SPSB1: variants seen among roughly 807,000 people sequenced by gnomAD.
SPSB1 encodes splA/ryanodine receptor domain and SOCS box containing 1.
A neutral mutation model predicts 21.2 loss-of-function variants in SPSB1; 8 were observed. The observed-to-expected ratio is 0.38, with a 90% CI of 0.22 to 0.68. SPSB1 has a LOEUF of 0.68. SPSB1 is among the 30% of genes least tolerant of loss of function. The probability of loss-of-function intolerance (pLI) is 0.53; values close to 1 mark genes in which losing one functional copy is unlikely to be tolerated. For synonymous variants in SPSB1, 169 were observed against 161.7 expected (o/e 1.05, Z -0.34); for missense variants, 242 against 377.8 (o/e 0.64, Z 2.98).
At chr1:9,297,895 G>A (rs974357389) in intron 1 of SPSB1, among the ~76,000 whole-genome samples, 6 of 152,198 alleles carry the variant, frequency 3.9e-5, no homozygotes, top group South Asian at 2.1e-4. Context: ...TCACGCATAC[G>A]TTGAGAAATA....
At chr1:9,335,864 C>T (rs1189884561) in intron 1 of SPSB1, among the ~76,000 whole-genome samples, 3 of 141,620 alleles carry the variant, frequency 2.1e-5, no homozygotes, top group Admixed American at 7.2e-5. Context: ...AGTGGCTGGA[C>T]GATGATCTTT....
At chr1:9,315,952 G>C (rs11582809) in intron 1 of SPSB1, among the ~76,000 whole-genome samples, 2 of 152,020 alleles carry the variant, frequency 1.3e-5, no homozygotes, top group African/African-American at 2.4e-5. Context: ...GTGCGGCTCC[G>C]GGCATCCTGG....
Position 9,293,213 on chromosome 1 carries a change from G to C in SPSB1, c.-150+142G>C, listed in dbSNP as rs183711646. Reference sequence around the variant, plus strand: ...GTGGCGCGGGGCCGGGCGCGGGGGAGCGGGTGGAGTACGGGATGGGGACTC... The same window carrying C: ...GTGGCGCGGGGCCGGGCGCGGGGGACCGGGTGGAGTACGGGATGGGGACTC... On this transcript the variant is annotated intron_variant, in intron 1 of 2. Transcript: ENST00000328089. This position sits in a 1 kb window ranked among gnomAD's most constrained non-coding sequence, Gnocchi z 5.1. 0.2 allele frequency: 187,623 copies of C among 937,594 alleles called. 19,685 individuals are homozygous for C. The highest frequency in any genetic ancestry group is 0.26 in the Middle Eastern group (479 of 1,822). The allele number at this position is 937,594 out of a possible 1,614,324, so 58.1% of individuals were successfully genotyped here.
chr1:9,323,881 C>T (rs1464721078), intron 1 of SPSB1, among the ~76,000 whole-genome samples: 2 of 152,342 alleles, frequency 1.3e-5, no homozygotes, highest in East Asian at 1.9e-4. Context: ...AGCCTTCTCC[C>T]ATCCCTTCCT....
intron 1 of SPSB1, among the ~76,000 whole-genome samples, chr1:9,322,293 C>T (rs980044025): frequency 2.0e-5 from 3 of 152,146 alleles, no homozygotes; most frequent in Non-Finnish European, 2.9e-5. Context: ...CCTCGGTTTG[C>T]AGGTGGGGAA....
At chr1:9,296,298 A>G (rs185665241) in intron 1 of SPSB1, among the ~76,000 whole-genome samples, 115 of 152,268 alleles carry the variant, frequency 7.6e-4, no homozygotes, top group Non-Finnish European at 1.3e-3. Context: ...GATTGCAGGT[A>G]ACTTGGCTAA....
At position 9,309,173 on chromosome 1, in the gene SPSB1, T is replaced by C. The variant is rs368526697; in HGVS notation, c.-150+16102T>C. 2.5e-3 allele frequency among the ~76,000 whole-genome samples: 383 copies of C among 151,822 alleles called. 2 individuals are homozygous for C. Among genetic ancestry groups the C allele is most frequent in the African/African-American group, 8.9e-3 (367 of 41,372 alleles). On this transcript the variant is annotated intron_variant, in intron 1 of 2. Coordinates refer to ENST00000328089, the MANE Select transcript of SPSB1 (RefSeq NM_025106.4). Reference sequence around the variant, plus strand: ...GGTCGTCGGTGGGCATGGGGTGTCCTTGCACTTCCATGCCATTCACCTCCA... The same window carrying C: ...GGTCGTCGGTGGGCATGGGGTGTCCCTGCACTTCCATGCCATTCACCTCCA...
intron 1 of SPSB1, among the ~76,000 whole-genome samples, chr1:9,344,284 G>C (rs569861512): frequency 2.6e-5 from 4 of 152,314 alleles, no homozygotes; most frequent in Non-Finnish European, 4.4e-5. Flanking sequence ...AGTCTAACGG[G>C]ATCAGGAATT....
In SPSB1 at chr1:9,312,510, G is replaced by A. The variant is rs150910785; in HGVS notation, c.-150+19439G>A. Among the ~76,000 whole-genome samples, 559 of 152,276 alleles carry A rather than the reference G, an allele frequency of 3.7e-3. 2 individuals are homozygous for A. Among genetic ancestry groups the A allele is most frequent in the Non-Finnish European group, 5.4e-3 (365 of 68,024 alleles). On this transcript the variant is annotated intron_variant, in intron 1 of 2. Transcript: ENST00000328089. ...AGTGCACACATGTGGTCAGGCAGCC[G>A]TGGACACCGTCCTAGAATTCATTTT...
At position 9,367,090 on chromosome 1, in the gene SPSB1, TCTC is replaced by T. The variant is rs1359375538; in HGVS notation, c.695-355_695-353del. Among the ~76,000 whole-genome samples, 2 of 152,176 alleles carry T rather than the reference TCTC, an allele frequency of 1.3e-5. No individual in the cohort carries two copies. The highest frequency in any genetic ancestry group is 4.8e-5 in the African/African-American group (2 of 41,432). On this transcript the variant is annotated intron_variant, in intron 2 of 2. Transcript: ENST00000328089. The surrounding 1 kb of genome is among the most constrained non-coding windows in gnomAD (Gnocchi z 5.9). ...CGCCTGGGTTCGAATCCTAGCTGCA[TCTC>T]CTGCCAGCAGGGCGACCCCTGGCAA...
intron 1 of SPSB1, among the ~76,000 whole-genome samples, chr1:9,336,705 G>T (rs1344649370): frequency 6.6e-6 from 1 of 152,200 alleles, no homozygotes; most frequent in Non-Finnish European, 1.5e-5. Flanking sequence ...GCTCGGGCAG[G>T]TCCCTCACTC....
At chr1:9,332,945 G>A (rs979586864) in intron 1 of SPSB1, among the ~76,000 whole-genome samples, 1 of 152,260 alleles carries the variant, frequency 6.6e-6, no homozygotes, top group Admixed American at 6.5e-5. Context: ...GGCATCGGCT[G>A]TGGGTGGTTC....
At chr1:9,319,318 G>A (rs376422421) in intron 1 of SPSB1, among the ~76,000 whole-genome samples, 9 of 152,326 alleles carry the variant, frequency 5.9e-5, no homozygotes, top group East Asian at 1.9e-4. Context: ...ACATGTGTGC[G>A]CTGCCCTGGC....
Position 9,356,110 on chromosome 1 carries a change from C to T in SPSB1, c.219C>T (p.Leu73=), listed in dbSNP as rs754008543. Residue 73 remains leucine, a synonymous_variant, in exon 2 of 3, where the codon CTC becomes CTT. Coordinates refer to ENST00000328089, the MANE Select transcript of SPSB1 (RefSeq NM_025106.4). This position sits in a 1 kb window ranked among gnomAD's most constrained non-coding sequence, Gnocchi z 7.4. ...TCTTTGTGAAGGAGGACGACAAGCT[C>T]ATCTTTCACCGGCATCCGGTGGCCC... The part of the protein sequence containing the change: ...LNVFVKEDDK[L]IFHRHPVAQS... The T allele has an allele frequency of 1.9e-6, 3 of 1,604,750 alleles. No individual in the cohort carries two copies. Among genetic ancestry groups the T allele is most frequent in the South Asian group, 1.1e-5 (1 of 90,562 alleles).
rs188418493 is a variant in SPSB1 at position 9,345,628 on chromosome 1, A to C, written c.-149-10115A>C. ...ATTGTAATTTTCAGTCTGTTTGACTATCATGCTGGTTTCCCAGGCCATGGC... is the reference window on the plus strand; with the variant it reads ...ATTGTAATTTTCAGTCTGTTTGACTCTCATGCTGGTTTCCCAGGCCATGGC... On this transcript the variant is annotated intron_variant, in intron 1 of 2. Transcript: ENST00000328089. This position sits in a 1 kb window ranked among gnomAD's most constrained non-coding sequence, Gnocchi z 4.8. Among the ~76,000 whole-genome samples, 1 of 152,148 alleles carries C rather than the reference A, an allele frequency of 6.6e-6. No individual in the cohort carries two copies. The highest frequency in any genetic ancestry group is 2.4e-5 in the African/African-American group (1 of 41,434).
chr1:9,333,328 C>CTT (rs33924371), intron 1 of SPSB1, among the ~76,000 whole-genome samples: 2 of 126,500 alleles, frequency 1.6e-5, no homozygotes, highest in Non-Finnish European at 1.6e-5. Context: ...TTGTCAGCTT[C>CTT]TTTTTTTTTT....
At chr1:9,315,709 T>C (rs1639602321) in intron 1 of SPSB1, among the ~76,000 whole-genome samples, 1 of 151,982 alleles carries the variant, frequency 6.6e-6, no homozygotes, top group African/African-American at 2.4e-5. Context: ...GAACACTGAG[T>C]GGGGAGTTGG....
At chr1:9,343,420 T>C (rs1640120553) in intron 1 of SPSB1, among the ~76,000 whole-genome samples, 1 of 152,240 alleles carries the variant, frequency 6.6e-6, no homozygotes, top group South Asian at 2.1e-4. Flanking sequence ...TCATTCACAT[T>C]GTATCATGCA....
In SPSB1 at chr1:9,345,259, G is replaced by A. The variant is rs1007228607; in HGVS notation, c.-149-10484G>A. ...GGGTTGGAGGGCAAAGAGCACCAGC[G>A]TCTCTGAGCCTGTCCCCGTGGGTAC... On this transcript the variant is annotated intron_variant, in intron 1 of 2. Transcript: ENST00000328089. This position sits in a 1 kb window ranked among gnomAD's most constrained non-coding sequence, Gnocchi z 4.8. Among the ~76,000 whole-genome samples, 2 of 152,196 alleles carry A rather than the reference G, an allele frequency of 1.3e-5. No individual in the cohort carries two copies. The highest frequency in any genetic ancestry group is 6.5e-5 in the Admixed American group (1 of 15,290).
Sources: allele counts gnomAD v4.1 joint callset (sites outside exome capture counted in the v4.1 genomes callset), GRCh38; gene constraint gnomAD v4.1.1; non-coding constraint Gnocchi (gnomAD v3.1); transcripts MANE v1.5; gene names NCBI Gene and HGNC (gene_info 2026-07-23, HGNC 2026-07-21).